EBPL: variants seen among roughly 807,000 people sequenced by gnomAD.
The protein encoded by EBPL is EBP like.
A neutral mutation model predicts 19.0 loss-of-function variants in EBPL; 20 were observed. The observed-to-expected ratio is 1.05, with a 90% CI of 0.74 to 1.53. The LOEUF (loss-of-function observed/expected upper bound fraction) is 1.53. EBPL is among the 40% of genes most tolerant of loss of function. The pLI is 0.00. For synonymous variants in EBPL, 107 were observed against 117.0 expected, an observed-to-expected ratio of 0.91 and a Z score of 0.55; for missense variants, 219 against 261.1, an observed-to-expected ratio of 0.84 and a Z score of 1.11.
intron 1 of EBPL, among the ~76,000 whole-genome samples, chr13:49,679,502 A>T (rs2137503546): frequency 6.6e-6 from 1 of 152,250 alleles, no homozygotes; most frequent in African/African-American, 2.4e-5. Flanking sequence ...AAGCAAGTAC[A>T]ACAGATTGTA....
intron 2 of EBPL, among the ~76,000 whole-genome samples, chr13:49,667,271 C>A (rs987639883): frequency 6.6e-6 from 1 of 152,188 alleles, no homozygotes; most frequent in African/African-American, 2.4e-5. Context: ...AAAAGCCTGA[C>A]GATGTGATCA....
chr13:49,687,230 C>T (rs1296404320), intron 1 of EBPL, among the ~76,000 whole-genome samples: 2 of 152,214 alleles, frequency 1.3e-5, no homozygotes, highest in Non-Finnish European at 2.9e-5. Context: ...TGTCCACCCC[C>T]AATCTACAAG....
At chr13:49,666,953 A>G (rs1327775952) in intron 2 of EBPL, among the ~76,000 whole-genome samples, 1 of 152,066 alleles carries the variant, frequency 6.6e-6, no homozygotes, top group Non-Finnish European at 1.5e-5. Context: ...TTATACCACA[A>G]GAGATGACTC....
chr13:49,664,278 C>T (rs1321241414), intron 2 of EBPL, among the ~76,000 whole-genome samples: 1 of 152,126 alleles, frequency 6.6e-6, no homozygotes, highest in Non-Finnish European at 1.5e-5. Flanking sequence ...TTATTAATAA[C>T]AGAAGAGAAA....
At chr13:49,666,187 C>T (rs1456082277) in intron 2 of EBPL, among the ~76,000 whole-genome samples, 1 of 152,212 alleles carries the variant, frequency 6.6e-6, no homozygotes, top group Non-Finnish European at 1.5e-5. Context: ...TGGTTCCCCA[C>T]AGAGGATGTG....
At chr13:49,672,524 G>T (rs1953828563) in intron 1 of EBPL, among the ~76,000 whole-genome samples, 1 of 152,108 alleles carries the variant, frequency 6.6e-6, no homozygotes, top group Non-Finnish European at 1.5e-5. Flanking sequence ...CATAGAACAT[G>T]CTAATAAGCG....
At chr13:49,689,659 T>A (rs1164115662) in intron 1 of EBPL, among the ~76,000 whole-genome samples, 2 of 152,222 alleles carry the variant, frequency 1.3e-5, no homozygotes, top group African/African-American at 4.8e-5. Context: ...TTATACATTT[T>A]TATATATATA....
At chr13:49,691,092 C>A (rs9568307) in intron 1 of EBPL, among the ~76,000 whole-genome samples, 162 bp downstream of exon 1, 53,886 of 151,806 alleles carry the variant, frequency 0.35, 9,950 homozygotes, top group Non-Finnish European at 0.42. Context: ...AGAACTCCGG[C>A]CGCCGCGGCC....
chr13:49,666,733 A>AAAAAAAAAT (rs1566313741), intron 2 of EBPL, among the ~76,000 whole-genome samples: 1 of 139,876 alleles, frequency 7.1e-6, no homozygotes, highest in Non-Finnish European at 1.5e-5. Context: ...AAAAAAAAAA[A>AAAAAAAAAT]ACAAAAATTA....
intron 1 of EBPL, among the ~76,000 whole-genome samples, chr13:49,682,330 G>A (rs1055725371): frequency 6.6e-6 from 1 of 152,206 alleles, no homozygotes; most frequent in Admixed American, 6.5e-5. Context: ...TCTGCCAGAA[G>A]GTTGTTACTT....
In EBPL at chr13:49,691,368, G is replaced by A; in HGVS notation, c.57C>T (p.Ala19=). Residue 19 remains alanine (A), a synonymous_variant, in exon 1 of 4, where the codon GCC becomes GCT. Coordinates refer to ENST00000242827, the MANE Select transcript of EBPL (RefSeq NM_032565.5). Reference sequence around the variant, plus strand: ...GGGCGCAGCCCGCCGCCAGCAGCGCGGCGCACAGCAGCAGCGAACCGCCAG... The same window carrying A: ...GGGCGCAGCCCGCCGCCAGCAGCGCAGCGCACAGCAGCAGCGAACCGCCAG... The part of the protein sequence containing the change: ...AEAGGSLLLC[A]ALLAAGCALG... 2 of 1,365,244 alleles carry A rather than the reference G, an allele frequency of 1.5e-6. No homozygotes were observed. Among genetic ancestry groups the A allele is most frequent in the Non-Finnish European group, 1.9e-6 (2 of 1,056,344 alleles). 84.6% of individuals were successfully genotyped at this position (1,365,244 alleles called of 1,614,324 possible). A position where few individuals can be genotyped will look rare whatever the true frequency, so the allele number is the denominator to read the frequency against.
chr13:49,676,222 T>A (rs768236382), intron 1 of EBPL, among the ~76,000 whole-genome samples: 105 of 151,234 alleles, frequency 6.9e-4, no homozygotes, highest in Non-Finnish European at 1.4e-3. Context: ...TGCCCACTCA[T>A]CATGAGGGCA....
intron 2 of EBPL, among the ~76,000 whole-genome samples, chr13:49,665,109 A>G (rs1214151148): frequency 7.2e-6 from 1 of 139,482 alleles, no homozygotes; most frequent in Non-Finnish European, 1.5e-5. Flanking sequence ...GATATTGACC[A>G]AGTCTTTTTT....
chr13:49,691,209 C>T, intron 1 of EBPL, 45 bp downstream of exon 1: 1 of 1,288,710 alleles, frequency 7.8e-7, no homozygotes, highest in Non-Finnish European at 9.9e-7. Flanking sequence ...CCCCCGCTCC[C>T]ACTCTCTGGG....
intron 1 of EBPL, among the ~76,000 whole-genome samples, chr13:49,682,717 A>G (rs1055798278): frequency 6.6e-6 from 1 of 152,202 alleles, no homozygotes; most frequent in Admixed American, 6.5e-5. Context: ...TTATTTCCAT[A>G]CTTCACAGGT....
At chr13:49,678,042 C>A (rs1242306189) in intron 1 of EBPL, among the ~76,000 whole-genome samples, 1 of 152,118 alleles carries the variant, frequency 6.6e-6, no homozygotes, top group Non-Finnish European at 1.5e-5. Context: ...AGCCGGTTGC[C>A]GGGGCTGGCT....
At chr13:49,675,187 C>T (rs988492855) in intron 1 of EBPL, among the ~76,000 whole-genome samples, 12 of 152,208 alleles carry the variant, frequency 7.9e-5, no homozygotes, top group South Asian at 4.1e-4. Flanking sequence ...TTACCTCACA[C>T]GTAGGCTATA....
chr13:49,666,781 T>C (rs1965235726), intron 2 of EBPL, among the ~76,000 whole-genome samples: 1 of 148,966 alleles, frequency 6.7e-6, no homozygotes, highest in Admixed American at 6.7e-5. Context: ...TTCCAGCTAC[T>C]TGGGAGGCTG....
intron 3 of EBPL, among the ~76,000 whole-genome samples, chr13:49,662,580 G>A (rs999010855): frequency 2.0e-5 from 3 of 151,826 alleles, no homozygotes; most frequent in African/African-American, 7.2e-5. Context: ...TGAAAAGTCT[G>A]AAATGATCCT....
Sources: allele counts gnomAD v4.1 joint callset (sites outside exome capture counted in the v4.1 genomes callset), GRCh38; gene constraint gnomAD v4.1.1; transcripts MANE v1.5; gene names NCBI Gene and HGNC (gene_info 2026-07-23, HGNC 2026-07-21).